PHACTR1: variants seen among roughly 807,000 people sequenced by gnomAD.
The protein encoded by PHACTR1 is RPEL repeat containing 1.
Under a neutral mutation model 69.2 loss-of-function variants are expected in PHACTR1, and 16 were observed. The ratio of observed to expected loss-of-function variants is 0.23; its 90% CI spans 0.16 to 0.35. The LOEUF (loss-of-function observed/expected upper bound fraction) is 0.35, where lower values mean the gene tolerates loss of function less well. Ranked by LOEUF, PHACTR1 falls within the 10% of genes least tolerant of loss-of-function variation. The probability of loss-of-function intolerance (pLI) is 1.00; values close to 1 mark genes in which losing one functional copy is unlikely to be tolerated. For missense variants in PHACTR1, 510 were observed against 734.7 expected (o/e 0.69, Z 3.54); for synonymous variants, 312 against 284.5 (o/e 1.10, Z -0.97).
chr6:12,718,472 G>A (rs941486394), intron 2 of PHACTR1: 1 of 209,542 alleles, frequency 4.8e-6, no homozygotes, highest in Non-Finnish European at 9.4e-6. Flanking sequence ...CAGATCATCT[G>A]TTTTTCCTGA....
rs368603649 is a variant in PHACTR1 at position 12,905,946 on chromosome 6, TCTAA to T, written c.251-147415_251-147412del. ...TGAATGAATAACTTTTAGTATTGCTTCTAACTATTTTAAAGTTCTAGAACAGAAG... is the reference window on the plus strand; with the variant it reads ...TGAATGAATAACTTTTAGTATTGCTTCTATTTTAAAGTTCTAGAACAGAAG... On this transcript the variant is annotated intron_variant, in intron 4 of 14. Coordinates refer to ENST00000332995, the MANE Select transcript of PHACTR1 (RefSeq NM_030948.6). 1.3e-4 allele frequency among the ~76,000 whole-genome samples: 20 copies of T among 152,354 alleles called. No homozygotes were observed. The South Asian group carries it at 3.7e-3, about 28-fold the overall frequency.
chr6:12,746,435 G>A (rs996018613), intron 3 of PHACTR1, among the ~76,000 whole-genome samples: 1 of 152,192 alleles, frequency 6.6e-6, no homozygotes, highest in Admixed American at 6.5e-5. Context: ...TACTTAGGAG[G>A]TTGAGGTGGA....
chr6:13,273,504 T>C (rs1778192649), intron 11 of PHACTR1: 1 of 152,432 alleles, frequency 6.6e-6, no homozygotes, highest in African/African-American at 2.4e-5. Flanking sequence ...CCTTTCACCA[T>C]TGCTGCAGAC....
At chr6:12,841,632 C>T (rs765231000) in intron 4 of PHACTR1, among the ~76,000 whole-genome samples, 44 of 152,060 alleles carry the variant, frequency 2.9e-4, no homozygotes, top group Non-Finnish European at 5.4e-4. Context: ...ATTAGTCAAA[C>T]GGAATAATTC....
At chr6:13,100,193 A>G (rs1249296434) in intron 5 of PHACTR1, among the ~76,000 whole-genome samples, 1 of 152,256 alleles carries the variant, frequency 6.6e-6, no homozygotes, top group Non-Finnish European at 1.5e-5. Context: ...TGTTAAGTTT[A>G]GTATAAGTTT....
At chr6:13,226,809 C>G (rs1453632881) in intron 8 of PHACTR1, among the ~76,000 whole-genome samples, 1 of 149,624 alleles carries the variant, frequency 6.7e-6, no homozygotes, top group Non-Finnish European at 1.5e-5. Flanking sequence ...ACGATCTTGG[C>G]TCACTGCAAC....
intron 4 of PHACTR1, among the ~76,000 whole-genome samples, chr6:13,033,240 G>C (rs184891491): frequency 2.0e-5 from 3 of 152,192 alleles, no homozygotes; most frequent in Non-Finnish European, 2.9e-5. Context: ...TCTTCTCATT[G>C]CTTTTTGGCA....
intron 4 of PHACTR1, among the ~76,000 whole-genome samples, chr6:13,005,666 C>T (rs1037657461): frequency 2.0e-5 from 3 of 152,130 alleles, no homozygotes; most frequent in Non-Finnish European, 4.4e-5. Context: ...ATACAACCTG[C>T]CTTGTTAGAA....
chr6:13,287,818 A>AAAT lies in PHACTR1; in HGVS notation c.*744_*746dup, dbSNP rs1781952317. ...GGGAAAGATGTCATATGCTCAGTTCAAATAATCAACCCAACTGTGTCCAGA... is the reference window on the plus strand; with the variant it reads ...GGGAAAGATGTCATATGCTCAGTTCAAATAATAATCAACCCAACTGTGTCCAGA... On this transcript the variant is annotated 3_prime_UTR_variant, in exon 15 of 15. Transcript: ENST00000332995. 6.5e-6 allele frequency: 1 copy of AAAT among 153,876 alleles called. No individual in the cohort carries two copies. Among genetic ancestry groups the AAAT allele is most frequent in the South Asian group, 2.0e-4 (1 of 5,024 alleles). 9.5% of individuals were successfully genotyped at this position (153,876 alleles called of 1,614,324 possible).
At chr6:12,871,416 G>A (rs1041708904) in intron 4 of PHACTR1, among the ~76,000 whole-genome samples, 9 of 152,116 alleles carry the variant, frequency 5.9e-5, no homozygotes, top group African/African-American at 2.2e-4. Context: ...CTCACATTGC[G>A]TTTGACTTAT....
At chr6:12,873,454 A>T (rs547373226) in intron 4 of PHACTR1, among the ~76,000 whole-genome samples, 4 of 152,230 alleles carry the variant, frequency 2.6e-5, no homozygotes, top group African/African-American at 7.2e-5. Flanking sequence ...TCTCAAGGAC[A>T]TTATAGTGGG....
At chr6:12,907,265 A>G (rs1263233108) in intron 4 of PHACTR1, among the ~76,000 whole-genome samples, 1 of 152,232 alleles carries the variant, frequency 6.6e-6, no homozygotes, top group East Asian at 1.9e-4. Context: ...AAAAATAATT[A>G]TAGTTTAAAG....
At chr6:13,110,173 G>A (rs1212728742) in intron 5 of PHACTR1, among the ~76,000 whole-genome samples, 6 of 151,628 alleles carry the variant, frequency 4.0e-5, no homozygotes, top group Non-Finnish European at 8.8e-5. Flanking sequence ...TGTGGTTCAC[G>A]TTTTCTTGTT....
chr6:12,845,480 G>A (rs948865786), intron 4 of PHACTR1, among the ~76,000 whole-genome samples: 6 of 111,708 alleles, frequency 5.4e-5, no homozygotes, highest in African/African-American at 2.2e-4. Context: ...CTGCTTTGCA[G>A]CATCAGATGG....
Position 13,277,846 on chromosome 6 carries a change from A to G in PHACTR1, c.1448-422A>G, listed in dbSNP as rs530821146. On this transcript the variant is annotated intron_variant, in intron 11 of 14. Transcript: ENST00000332995. ...GCATGTGTAGTCCTAGCTACTTGGG[A>G]GGCCGAAGTAGGAGAATCACTTGAG... is the stretch of plus-strand genomic sequence containing the variant. 1.4e-4 allele frequency among the ~76,000 whole-genome samples: 22 copies of G among 152,020 alleles called. No homozygotes were observed. The East Asian group carries it at 4.3e-3, about 29-fold the overall frequency.
chr6:12,954,052 C>T lies in PHACTR1; in HGVS notation c.251-99313C>T, dbSNP rs1041723727. Among the ~76,000 whole-genome samples, 11 of 152,218 alleles carry T rather than the reference C, an allele frequency of 7.2e-5. 1 individual carries two copies. The South Asian group carries it at 1.0e-3, about 14-fold the overall frequency. On this transcript the variant is annotated intron_variant, in intron 4 of 14. Coordinates refer to ENST00000332995, the MANE Select transcript of PHACTR1 (RefSeq NM_030948.6). ...TTGACTACAAGATTAGGAAAAACTA[C>T]AGGAAACAGTTGAGCTGGGCTTGAA...
chr6:13,043,548 T>C (rs1367905250), intron 4 of PHACTR1, among the ~76,000 whole-genome samples: 1 of 152,214 alleles, frequency 6.6e-6, no homozygotes, highest in Non-Finnish European at 1.5e-5. Context: ...TAAATAAAGT[T>C]TTATTGGAAT....
chr6:13,270,263 G>C (rs367817478), intron 10 of PHACTR1, among the ~76,000 whole-genome samples: 31 of 152,336 alleles, frequency 2.0e-4, no homozygotes, highest in African/African-American at 7.2e-4. Context: ...TTGGGGGAGA[G>C]AGGCAGAGCT....
intron 5 of PHACTR1, among the ~76,000 whole-genome samples, chr6:13,127,587 T>C (rs1167064577): frequency 6.6e-6 from 1 of 151,998 alleles, no homozygotes; most frequent in Non-Finnish European, 1.5e-5. Context: ...CAAAGGAAAA[T>C]AGAAGGAAGG....
Sources: allele counts gnomAD v4.1 joint callset (sites outside exome capture counted in the v4.1 genomes callset), GRCh38; gene constraint gnomAD v4.1.1; transcripts MANE v1.5; gene names NCBI Gene and HGNC (gene_info 2026-07-23, HGNC 2026-07-21).